The following SBK1 variants were observed in gnomAD, a reference collection of about 807,000 sequenced individuals.
The protein encoded by SBK1 is SH3 domain binding kinase 1.
Under a neutral mutation model 24.4 loss-of-function variants are expected in SBK1, and 11 were observed. The observed-to-expected ratio is 0.45, with a 90% CI of 0.28 to 0.75. The LOEUF (loss-of-function observed/expected upper bound fraction) is 0.75, where lower values mean the gene tolerates loss of function less well. SBK1 is among the 30% of genes least tolerant of loss of function. SBK1 has a pLI of 0.12. For synonymous variants in SBK1, 308 were observed against 284.4 expected, an observed-to-expected ratio of 1.08 and a Z score of -0.83; for missense variants, 467 against 620.5, an observed-to-expected ratio of 0.75 and a Z score of 2.63.
intron 1 of SBK1, among the ~76,000 whole-genome samples, chr16:28,274,828 G>A (rs2044486650): frequency 6.6e-6 from 1 of 152,164 alleles, no homozygotes; most frequent in African/African-American, 2.4e-5. Context: ...TAATGCAACT[G>A]TAATGTGAGG....
At chr16:28,297,583 C>G (rs2044649516) in intron 1 of SBK1, among the ~76,000 whole-genome samples, 1 of 152,204 alleles carries the variant, frequency 6.6e-6, no homozygotes, top group Non-Finnish European at 1.5e-5. Context: ...TGACCTTCAG[C>G]AAGGCACTTA....
chr16:28,292,261 T>TGGGTGGGGGGTGGG (rs917686050), upstream of SBK1: 1 of 22,314 alleles, frequency 4.5e-5, no homozygotes, highest in Non-Finnish European at 8.3e-5. Flanking sequence ...AGGAGTGGGG[T>TGGGTGGGGGGTGGG]GGGTGGGGGG....
At chr16:28,280,489 C>T (rs2044527107) in intron 1 of SBK1, among the ~76,000 whole-genome samples, 1 of 151,092 alleles carries the variant, frequency 6.6e-6, no homozygotes, top group African/African-American at 2.4e-5. Context: ...GCCACCACGC[C>T]CAGCCCAGGA....
intron 1 of SBK1, among the ~76,000 whole-genome samples, chr16:28,314,522 T>G (rs2044778755): frequency 6.6e-6 from 1 of 152,128 alleles, no homozygotes; most frequent in Admixed American, 6.6e-5. Flanking sequence ...GGAAGTAACT[T>G]GCCCAAGGAC....
intron 1 of SBK1, among the ~76,000 whole-genome samples, chr16:28,306,710 C>T (rs1030677754): frequency 1.3e-5 from 2 of 152,176 alleles, no homozygotes; most frequent in African/African-American, 4.8e-5. Context: ...AGCAAGAAAC[C>T]GAAGAGCTCC....
At chr16:28,285,418 G>C (rs928525765) in intron 1 of SBK1, 2 of 152,180 alleles carry the variant, frequency 1.3e-5, no homozygotes, top group Admixed American at 6.5e-5. Context: ...AGCCAGGCAC[G>C]GTGGCGTGCG....
intron 1 of SBK1, among the ~76,000 whole-genome samples, chr16:28,287,438 G>T (rs1207947049): frequency 7.0e-6 from 1 of 142,736 alleles, no homozygotes; most frequent in African/African-American, 2.6e-5. Context: ...GACAGAGCAA[G>T]ACTCCATCTC....
At chr16:28,286,591 C>A (rs1322298786) in intron 1 of SBK1, 1 of 152,250 alleles carries the variant, frequency 6.6e-6, no homozygotes. Flanking sequence ...AGAGGAATCA[C>A]TTGAACCCAA....
rs1459153971 is a variant in SBK1 at position 28,320,705 on chromosome 16, G to A, written c.1059G>A (p.Arg353=). Residue 353 remains arginine (R), a synonymous_variant, in exon 4 of 4, where the codon CGG becomes CGA. Coordinates refer to ENST00000341901, the MANE Select transcript of SBK1 (RefSeq NM_001024401.3). The surrounding 1 kb of genome is among the most constrained non-coding windows in gnomAD (Gnocchi z 8.5). ...LRLEAPGPLK[R]TVLTESGSGS... The stretch of plus-strand genomic sequence containing the variant: ...TCGAGGCGCCTGGGCCGCTCAAGCG[G>A]ACGGTGCTGACCGAGAGCGGCAGCG... The A allele has an allele frequency of 1.8e-6, 2 of 1,120,948 alleles. No individual in the cohort carries two copies. The highest frequency in any genetic ancestry group is 3.4e-5 in the African/African-American group (2 of 58,800). The allele number at this position is 1,120,948 out of a possible 1,614,324, so 69.4% of individuals were successfully genotyped here.
intron 1 of SBK1, among the ~76,000 whole-genome samples, chr16:28,303,696 T>A (rs556413540): frequency 2.0e-5 from 3 of 151,752 alleles, no homozygotes; most frequent in African/African-American, 4.8e-5. Context: ...CAAAAAAAAA[T>A]TTGTAGAGAT....
chr16:28,277,338 G>C (rs1444074064), intron 1 of SBK1, among the ~76,000 whole-genome samples: 1 of 149,166 alleles, frequency 6.7e-6, no homozygotes, highest in Non-Finnish European at 1.5e-5. Context: ...CATAGAGACA[G>C]AGAGAGAGAG....
intron 1 of SBK1, among the ~76,000 whole-genome samples, chr16:28,305,977 T>C (rs868812944): frequency 1.3e-5 from 2 of 152,352 alleles, no homozygotes; most frequent in Middle Eastern, 3.4e-3. Context: ...TTTCTCTTCC[T>C]TACAGTAATG....
chr16:28,283,302 A>C (rs983633345), intron 1 of SBK1, among the ~76,000 whole-genome samples: 1 of 152,132 alleles, frequency 6.6e-6, no homozygotes, highest in African/African-American at 2.4e-5. Flanking sequence ...CAACTGACTT[A>C]AGCACAAAAA....
At chr16:28,305,532 T>C (rs1386038396) in intron 1 of SBK1, among the ~76,000 whole-genome samples, 1 of 147,982 alleles carries the variant, frequency 6.8e-6, no homozygotes, top group Non-Finnish European at 1.5e-5. Context: ...TCTCTTTCTT[T>C]GTTTCTTTTT....
chr16:28,283,223 G>A (rs553347536), intron 1 of SBK1, among the ~76,000 whole-genome samples: 6 of 152,186 alleles, frequency 3.9e-5, no homozygotes, highest in Non-Finnish European at 5.9e-5. Flanking sequence ...GAGCCACCGC[G>A]CCCGACCATA....
At chr16:28,304,789 T>C (rs926510504) in intron 1 of SBK1, among the ~76,000 whole-genome samples, 3 of 152,030 alleles carry the variant, frequency 2.0e-5, no homozygotes, top group African/African-American at 7.2e-5. Context: ...TTTGTATTTT[T>C]AGTAGAGATG....
At chr16:28,302,119 G>A (rs1002768839) in intron 1 of SBK1, among the ~76,000 whole-genome samples, 1 of 152,164 alleles carries the variant, frequency 6.6e-6, no homozygotes, top group Admixed American at 6.5e-5. Context: ...CATTTTTCAG[G>A]GAAGAAGGTC....
Position 28,319,653 on chromosome 16 carries a change from C to T in SBK1, c.430-423C>T, listed in dbSNP as rs934054781. On this transcript the variant is annotated intron_variant, in intron 3 of 3. Transcript: ENST00000341901. The surrounding 1 kb of genome is among the most constrained non-coding windows in gnomAD (Gnocchi z 4.0). ...GTCCTCCTTCTTTGCTGAGCACCTACTACATGCCAGAATCTGGAGACACAG... is the reference window on the plus strand; with the variant it reads ...GTCCTCCTTCTTTGCTGAGCACCTATTACATGCCAGAATCTGGAGACACAG... 1.3e-5 allele frequency among the ~76,000 whole-genome samples: 2 copies of T among 151,848 alleles called. No individual in the cohort carries two copies. The highest frequency in any genetic ancestry group is 2.9e-5 in the Non-Finnish European group (2 of 67,844).
At chr16:28,275,592 G>A (rs1164884863) in intron 1 of SBK1, among the ~76,000 whole-genome samples, 1 of 151,978 alleles carries the variant, frequency 6.6e-6, no homozygotes, top group Admixed American at 6.6e-5. Context: ...GAAAAAGAAT[G>A]AGGGGGTCCC....
Sources: allele counts gnomAD v4.1 joint callset (sites outside exome capture counted in the v4.1 genomes callset), GRCh38; gene constraint gnomAD v4.1.1; non-coding constraint Gnocchi (gnomAD v3.1); transcripts MANE v1.5; gene names NCBI Gene and HGNC (gene_info 2026-07-23, HGNC 2026-07-21).